RBFOX1: variants seen among roughly 807,000 people sequenced by gnomAD.
RBFOX1 encodes RNA binding protein fox-1 homolog 1.
Under a neutral mutation model 57.7 loss-of-function variants are expected in RBFOX1, and 8 were observed. The observed-to-expected ratio is 0.14, with a 90% CI of 0.08 to 0.25. The LOEUF is 0.25. Among genes scored for constraint, RBFOX1 ranks in the 10% least tolerant of loss-of-function variants. RBFOX1 has a pLI of 1.00. For missense variants in RBFOX1, 611 were observed against 548.5 expected, an observed-to-expected ratio of 1.11 and a Z score of -1.14; for synonymous variants, 326 against 222.4, an observed-to-expected ratio of 1.47 and a Z score of -4.15.
intron 3 of RBFOX1, among the ~76,000 whole-genome samples, chr16:7,034,785 C>T (rs11077126): frequency 5.0e-4 from 67 of 133,136 alleles, no homozygotes; most frequent in African/African-American, 1.8e-3. Flanking sequence ...AATGCAATTT[C>T]TAATTCACTT....
chr16:6,280,064 A>G (rs919138155), intron 1 of RBFOX1, among the ~76,000 whole-genome samples: 1 of 152,164 alleles, frequency 6.6e-6, no homozygotes, highest in Admixed American at 6.5e-5. Context: ...GATTCATCCT[A>G]GAAAAGACAG....
rs976878718 is a variant in RBFOX1 at position 6,769,524 on chromosome 16, C to G, written c.-16+114874C>G. Among the ~76,000 whole-genome samples the G allele has an allele frequency of 2.6e-5, 4 of 152,340 alleles. No homozygotes were observed. The South Asian group carries it at 6.2e-4, about 24-fold the overall frequency. Reference sequence around the variant, plus strand: ...ATATCCTTAATGGTTTATCACCCGCCTTTTAATAAACATCAGGCTGTTTCC... The same window carrying G: ...ATATCCTTAATGGTTTATCACCCGCGTTTTAATAAACATCAGGCTGTTTCC... On this transcript the variant is annotated intron_variant, in intron 3 of 15. Coordinates refer to ENST00000550418, the MANE Select transcript of RBFOX1 (RefSeq NM_018723.4).
intron 1 of RBFOX1, among the ~76,000 whole-genome samples, chr16:6,042,684 G>A (rs2095451025): frequency 6.6e-6 from 1 of 152,104 alleles, no homozygotes; most frequent in African/African-American, 2.4e-5. Flanking sequence ...TCCTAAGAAA[G>A]CGTGTCTAAG....
chr16:5,803,023 C>T (rs562430717), intron 3 of RBFOX1, among the ~76,000 whole-genome samples: 1 of 152,254 alleles, frequency 6.6e-6, no homozygotes, highest in South Asian at 2.1e-4. Context: ...CAGACATGTA[C>T]TTGGGTAATA....
intron 4 of RBFOX1, among the ~76,000 whole-genome samples, chr16:7,463,972 G>C (rs1030843296): frequency 6.6e-6 from 1 of 152,118 alleles, no homozygotes; most frequent in East Asian, 1.9e-4. Context: ...GTCTTGCCCT[G>C]GGTGACTCAG....
intron 4 of RBFOX1, among the ~76,000 whole-genome samples, chr16:5,977,732 A>G (rs1385024263): frequency 6.6e-6 from 1 of 152,070 alleles, no homozygotes; most frequent in Non-Finnish European, 1.5e-5. Context: ...TCCAATCCAA[A>G]GATACAGAAG....
Position 7,620,326 on chromosome 16 carries a change from G to A in RBFOX1, c.677-10277G>A, listed in dbSNP as rs115980494. 2.1e-3 allele frequency among the ~76,000 whole-genome samples: 316 copies of A among 152,268 alleles called. 1 individual carries two copies. The highest frequency in any genetic ancestry group is 7.2e-3 in the African/African-American group (298 of 41,554). On this transcript the variant is annotated intron_variant, in intron 10 of 15. Transcript: ENST00000550418. ...AACCACTGAGGCTCAGAGAAGTACA[G>A]AGTTTTACCCAAAGTCAACTCAACT...
intron 1 of RBFOX1, among the ~76,000 whole-genome samples, chr16:5,293,486 A>C (rs934300175): frequency 1.3e-5 from 2 of 152,140 alleles, no homozygotes; most frequent in African/African-American, 4.8e-5. Flanking sequence ...TCCACCTTGG[A>C]ATCTCCTGGG....
intron 2 of RBFOX1, among the ~76,000 whole-genome samples, chr16:6,374,367 A>T (rs1326747486): frequency 6.6e-6 from 1 of 152,216 alleles, no homozygotes; most frequent in Non-Finnish European, 1.5e-5. Flanking sequence ...TTACTGATGG[A>T]TAGACATTCT....
chr16:7,272,359 AT>A (rs1339991071), intron 4 of RBFOX1, among the ~76,000 whole-genome samples: 1 of 151,618 alleles, frequency 6.6e-6, no homozygotes, highest in Non-Finnish European at 1.5e-5. Context: ...TAGTTTTTGT[AT>A]TTTTAGTAGA....
rs75752555 is a variant in RBFOX1, at chr16:6,406,608, A to C, written c.-64+89551A>C. 8.0e-3 allele frequency among the ~76,000 whole-genome samples: 1,184 copies of C among 147,556 alleles called. 11 individuals carry two copies. The highest frequency in any genetic ancestry group is 0.013 in the Non-Finnish European group (881 of 67,200). Reference sequence around the variant, plus strand: ...TTTTTTTTTTCATTTTAAGCACCCTATTGATACTTGGCATCTCTGCAGTAA... The same window carrying C: ...TTTTTTTTTTCATTTTAAGCACCCTCTTGATACTTGGCATCTCTGCAGTAA... On this transcript the variant is annotated intron_variant, in intron 2 of 15. Transcript: ENST00000550418.
intron 4 of RBFOX1, among the ~76,000 whole-genome samples, chr16:7,086,952 C>A (rs2060086722): frequency 6.6e-6 from 1 of 152,130 alleles, no homozygotes; most frequent in Non-Finnish European, 1.5e-5. Context: ...CGGTCCACAC[C>A]CTGGCTGAGA....
intron 1 of RBFOX1, among the ~76,000 whole-genome samples, chr16:5,454,893 T>C (rs1372207561): frequency 8.2e-6 from 1 of 122,056 alleles, no homozygotes; most frequent in African/African-American, 3.0e-5. Flanking sequence ...TTTCTTTCTT[T>C]CTTTCTTTCT....
intron 2 of RBFOX1, among the ~76,000 whole-genome samples, chr16:6,432,462 A>C (rs1357949759): frequency 1.3e-5 from 2 of 151,602 alleles, no homozygotes; most frequent in African/African-American, 4.9e-5. Context: ...ACCTGAGGTC[A>C]GGAGTTCAAG....
intron 1 of RBFOX1, among the ~76,000 whole-genome samples, chr16:6,290,634 C>T (rs977337616): frequency 6.6e-6 from 1 of 152,054 alleles, no homozygotes; most frequent in Admixed American, 6.5e-5. Context: ...GTGAATTTAG[C>T]ACACATGGGC....
Position 6,904,033 on chromosome 16 carries a change from G to A in RBFOX1, c.-15-148024G>A, listed in dbSNP as rs774549619. ...ACACAGCCTACAAATGCCCCCACCT[G>A]AGGTCATACAGAGATAAGCTACCCC... On this transcript the variant is annotated intron_variant, in intron 3 of 15. Coordinates refer to ENST00000550418, the MANE Select transcript of RBFOX1 (RefSeq NM_018723.4). Among the ~76,000 whole-genome samples, 168 of 152,238 alleles carry A rather than the reference G, an allele frequency of 1.1e-3. 1 individual carries two copies. Among genetic ancestry groups the A allele is most frequent in the Admixed American group, 8.5e-4 (13 of 15,290 alleles).
intron 4 of RBFOX1, among the ~76,000 whole-genome samples, chr16:7,221,022 T>G (rs2092687334): frequency 6.6e-6 from 1 of 152,170 alleles, no homozygotes; most frequent in Non-Finnish European, 1.5e-5. Context: ...AGAACTTAGT[T>G]TATCAGATGT....
chr16:5,897,016 CTTTTTTTTTTTTTTTT>C (rs575235024), intron 4 of RBFOX1, among the ~76,000 whole-genome samples: 2 of 56,468 alleles, frequency 3.5e-5, no homozygotes, highest in Middle Eastern at 0.016. Context: ...TATCCATCCG[CTTTTTTTTTTTTTTTT>C]TTTTTTTTTT....
chr16:5,800,350 C>G (rs924655398), intron 3 of RBFOX1, among the ~76,000 whole-genome samples: 3 of 152,106 alleles, frequency 2.0e-5, no homozygotes, highest in African/African-American at 7.2e-5. Context: ...ATTAACAAGG[C>G]AAAAGGAAGT....
Sources: gnomAD v4.1 joint callset for allele counts (sites outside exome capture counted in the v4.1 genomes callset) on GRCh38, gnomAD v4.1.1 for gene constraint, MANE v1.5 for transcripts, NCBI Gene and HGNC (gene_info 2026-07-23, HGNC 2026-07-21) for gene names.